The following TENT4B variants were observed in gnomAD, a reference collection of about 807,000 sequenced individuals.
The protein encoded by TENT4B is PAP associated domain containing 5.
In TENT4B, 10 loss-of-function variants were observed where a neutral mutation model predicts 75.0. The observed-to-expected ratio is 0.13, with a 90% CI of 0.08 to 0.23. TENT4B has a LOEUF of 0.23. TENT4B is among the 10% of genes least tolerant of loss of function. The probability of loss-of-function intolerance (pLI) is 1.00; values close to 1 mark genes in which losing one functional copy is unlikely to be tolerated. For synonymous variants in TENT4B, 350 were observed against 357.7 expected (o/e 0.98, Z 0.24); for missense variants, 579 against 893.8 (o/e 0.65, Z 4.49).
chr16:50,214,390 T>C (rs2031442591), intron 3 of TENT4B, 123 bp downstream of exon 3: 1 of 718,634 alleles, frequency 1.4e-6, no homozygotes, highest in East Asian at 2.9e-5. Flanking sequence ...GCATGGTGGC[T>C]CATGCCTGTA....
At chr16:50,180,936 T>C (rs7202583) in intron 1 of TENT4B, among the ~76,000 whole-genome samples, 114,579 of 152,048 alleles carry the variant, frequency 0.75, 43,699 homozygotes, top group Non-Finnish European at 0.8. Context: ...TTTGCTTCCT[T>C]AAAATAGAAT....
chr16:50,163,037 C>T (rs2038030120), intron 1 of TENT4B, among the ~76,000 whole-genome samples: 1 of 152,086 alleles, frequency 6.6e-6, no homozygotes, highest in South Asian at 2.1e-4. Flanking sequence ...ATTGTTTTAT[C>T]TAAACAGCTT....
At chr16:50,204,070 G>A (rs950846565) in intron 1 of TENT4B, among the ~76,000 whole-genome samples, 4 of 152,184 alleles carry the variant, frequency 2.6e-5, no homozygotes, top group Non-Finnish European at 4.4e-5. Flanking sequence ...AAGAGGGCTC[G>A]GAAGCTCTTG....
intron 1 of TENT4B, among the ~76,000 whole-genome samples, chr16:50,169,424 A>T (rs957479763): frequency 7.8e-6 from 1 of 127,912 alleles, no homozygotes; most frequent in African/African-American, 3.1e-5. Context: ...GCAAAAATGC[A>T]TCATAAATGG....
At chr16:50,220,296 A>G (rs1482853851) in intron 5 of TENT4B, among the ~76,000 whole-genome samples, 2 of 147,222 alleles carry the variant, frequency 1.4e-5, no homozygotes, top group African/African-American at 2.5e-5. Context: ...CCACTTTTTT[A>G]TTTTATTTTT....
At chr16:50,225,724 C>T (rs546465105) in intron 10 of TENT4B, among the ~76,000 whole-genome samples, 2 of 151,846 alleles carry the variant, frequency 1.3e-5, no homozygotes, top group East Asian at 1.9e-4. Context: ...CCTCTGTCAC[C>T]CAGGCTGGAG....
At chr16:50,210,861 C>T (rs936922274) in intron 1 of TENT4B, among the ~76,000 whole-genome samples, 5 of 152,216 alleles carry the variant, frequency 3.3e-5, no homozygotes, top group African/African-American at 4.8e-5. Context: ...CTTTTCAAGA[C>T]TTTGCTGTTG....
At chr16:50,210,577 A>G (rs546527228) in intron 1 of TENT4B, among the ~76,000 whole-genome samples, 1 of 152,244 alleles carries the variant, frequency 6.6e-6, no homozygotes, top group African/African-American at 2.4e-5. Context: ...CATTGTTTCC[A>G]TAGTTGCCAG....
At chr16:50,179,348 C>T (rs978788017) in intron 1 of TENT4B, among the ~76,000 whole-genome samples, 1 of 152,064 alleles carries the variant, frequency 6.6e-6, no homozygotes, top group Non-Finnish European at 1.5e-5. Flanking sequence ...GGCAACAAAG[C>T]GCAACTCCGT....
chr16:50,230,349 A>G lies in TENT4B; in HGVS notation c.*1021A>G. 1 of 981,908 alleles carries G rather than the reference A, an allele frequency of 1.0e-6. No homozygotes were observed. The highest frequency in any genetic ancestry group is 1.2e-6 in the Non-Finnish European group (1 of 829,384). 60.8% of individuals were successfully genotyped at this position (981,908 alleles called of 1,614,324 possible). On this transcript the variant is annotated 3_prime_UTR_variant, in exon 12 of 12. Coordinates refer to ENST00000561678, the MANE Select transcript of TENT4B (RefSeq NM_001365324.3). The stretch of plus-strand genomic sequence containing the variant: ...CCATGTCTGGTCTCATTCCTGTTGC[A>G]GTGAAACTTCGAGTTCCACAGACTT...
Position 50,233,364 on chromosome 16 carries a change from T to G in TENT4B, c.*4036T>G, listed in dbSNP as rs1452716453. The G allele has an allele frequency of 1.9e-5, 19 of 985,288 alleles. No individual in the cohort carries two copies. The highest frequency in any genetic ancestry group is 2.2e-5 in the Non-Finnish European group (18 of 829,914). The allele number at this position is 985,288 out of a possible 1,614,324, so 61.0% of individuals were successfully genotyped here. On this transcript the variant is annotated 3_prime_UTR_variant, in exon 12 of 12. Transcript: ENST00000561678. The stretch of plus-strand genomic sequence containing the variant: ...TAAAGATCAAATTTTAATATGCTTC[T>G]CGATATTTAACATAGCTAAGAAGCC...
chr16:50,175,390 A>T (rs527527974), intron 1 of TENT4B, among the ~76,000 whole-genome samples: 1 of 152,182 alleles, frequency 6.6e-6, no homozygotes, highest in East Asian at 1.9e-4. Context: ...AGTTCCCCTT[A>T]TATTATCTTA....
intron 1 of TENT4B, among the ~76,000 whole-genome samples, chr16:50,204,779 G>A (rs895587631): frequency 1.4e-4 from 21 of 152,162 alleles, no homozygotes; most frequent in African/African-American, 3.6e-4. Context: ...GCCTTGCAAC[G>A]CGTTTGAGTA....
At chr16:50,154,776 C>T (rs1442727405) in intron 1 of TENT4B, among the ~76,000 whole-genome samples, 1 of 152,168 alleles carries the variant, frequency 6.6e-6, no homozygotes, top group Non-Finnish European at 1.5e-5. Flanking sequence ...TGCTCCTCCC[C>T]ATCCCCCAAT....
intron 1 of TENT4B, among the ~76,000 whole-genome samples, chr16:50,206,703 C>T (rs2030993166): frequency 6.6e-6 from 1 of 151,852 alleles, no homozygotes; most frequent in African/African-American, 2.4e-5. Flanking sequence ...GAGCTTTCCA[C>T]CTTGCCTTTG....
intron 1 of TENT4B, among the ~76,000 whole-genome samples, chr16:50,171,980 C>T (rs2038215088): frequency 6.6e-6 from 1 of 151,846 alleles, no homozygotes; most frequent in African/African-American, 2.4e-5. Context: ...GTGGAGGTTG[C>T]AGTGAGCCAA....
rs1353226097 is a variant in TENT4B, at chr16:50,233,649, C to T, written c.*4321C>T. ...TTGAGGACAGTTTTTAGTTAATAAA[C>T]TGCTAATGTTTATTTTACTGTCTCT... is the stretch of plus-strand genomic sequence containing the variant. On this transcript the variant is annotated 3_prime_UTR_variant, in exon 12 of 12. Transcript: ENST00000561678. 18 of 983,516 alleles carry T rather than the reference C, an allele frequency of 1.8e-5. No individual in the cohort carries two copies. The highest frequency in any genetic ancestry group is 2.2e-5 in the Non-Finnish European group (18 of 828,532). 60.9% of individuals were successfully genotyped at this position (983,516 alleles called of 1,614,324 possible).
chr16:50,182,433 C>G (rs1050530506), intron 1 of TENT4B, among the ~76,000 whole-genome samples: 1 of 152,072 alleles, frequency 6.6e-6, no homozygotes, highest in Non-Finnish European at 1.5e-5. Flanking sequence ...TTCAAAATAC[C>G]TCTTCGTTAT....
intron 6 of TENT4B, 67 bp downstream of exon 6, chr16:50,222,501 ATTTTGG>A: frequency 6.5e-7 from 1 of 1,548,524 alleles, no homozygotes; most frequent in Non-Finnish European, 8.7e-7. Context: ...GCTGGGAAAC[ATTTTGG>A]AAAAAATCGA....
Sources: allele counts gnomAD v4.1 joint callset (sites outside exome capture counted in the v4.1 genomes callset), GRCh38; gene constraint gnomAD v4.1.1; transcripts MANE v1.5; gene names NCBI Gene and HGNC (gene_info 2026-07-23, HGNC 2026-07-21).